The following CBFA2T2 variants were observed in gnomAD, a reference collection of about 807,000 sequenced individuals.
CBFA2T2 encodes protein CBFA2T2.
A neutral mutation model predicts 62.2 loss-of-function variants in CBFA2T2; 11 were observed. The ratio of observed to expected loss-of-function variants is 0.18; its 90% CI spans 0.11 to 0.29. The LOEUF is 0.29. CBFA2T2 is among the 10% of genes least tolerant of loss of function. The probability of loss-of-function intolerance (pLI) is 1.00; values close to 1 mark genes in which losing one functional copy is unlikely to be tolerated. For synonymous variants in CBFA2T2, 295 were observed against 287.5 expected, an observed-to-expected ratio of 1.03 and a Z score of -0.27; for missense variants, 592 against 774.1, an observed-to-expected ratio of 0.76 and a Z score of 2.79.
chr20:33,641,737 C>A (rs544067102), intron 10 of CBFA2T2, among the ~76,000 whole-genome samples: 3 of 152,318 alleles, frequency 2.0e-5, no homozygotes, highest in Non-Finnish European at 4.4e-5. Context: ...TGCACACCAC[C>A]GTGCCTGGCT....
chr20:33,497,801 G>C (rs2011220463), intron 1 of CBFA2T2, among the ~76,000 whole-genome samples: 1 of 152,060 alleles, frequency 6.6e-6, no homozygotes, highest in South Asian at 2.1e-4. Context: ...GCCCGCCTTG[G>C]CCTCCCAAAG....
At chr20:33,491,232 A>G (rs2011144400) in intron 1 of CBFA2T2, among the ~76,000 whole-genome samples, 1 of 152,198 alleles carries the variant, frequency 6.6e-6, no homozygotes. Context: ...TTCACTTAAT[A>G]TTTATTAAAT....
intron 1 of CBFA2T2, among the ~76,000 whole-genome samples, chr20:33,585,817 T>G (rs966916048): frequency 2.0e-5 from 3 of 152,222 alleles, no homozygotes; most frequent in African/African-American, 7.2e-5. Context: ...ACATAATTAT[T>G]TTCTCTCAAA....
intron 1 of CBFA2T2, among the ~76,000 whole-genome samples, chr20:33,597,862 C>T (rs778211508): frequency 3.3e-5 from 5 of 152,108 alleles, no homozygotes; most frequent in African/African-American, 4.8e-5. Flanking sequence ...CCAATATTCA[C>T]GTAGGTTCTT....
At chr20:33,621,594 C>T (rs2015990208) in intron 4 of CBFA2T2, among the ~76,000 whole-genome samples, 1 of 152,056 alleles carries the variant, frequency 6.6e-6, no homozygotes, top group Non-Finnish European at 1.5e-5. Flanking sequence ...AGCCACCGTG[C>T]CCAGCGTCTA....
rs1454952914 is a variant in CBFA2T2, at chr20:33,569,327, TTTG to T, written c.35-37623_35-37621del. Reference sequence around the variant, plus strand: ...GTTAAATGCTTTAATTTTGCATTATTTTGTTGTTTGTTCTCTGTGTTTACACAA... The same window carrying T: ...GTTAAATGCTTTAATTTTGCATTATTTTGTTTGTTCTCTGTGTTTACACAA... On this transcript the variant is annotated intron_variant, in intron 1 of 10. Coordinates refer to ENST00000342704, the MANE Select transcript of CBFA2T2 (RefSeq NM_001032999.3). 2.0e-5 allele frequency among the ~76,000 whole-genome samples: 3 copies of T among 152,354 alleles called. No individual in the cohort carries two copies. In the East Asian group the frequency reaches 5.8e-4, roughly 29 times the overall value.
In CBFA2T2 at chr20:33,623,289, C is replaced by A; in HGVS notation, c.685C>A (p.Pro229Thr). The change falls in exon 5 of 11, where the codon CCA (proline) becomes ACA (threonine). Residue 229 changes from proline to threonine, a missense_variant. Transcript: ENST00000342704. ...GCACGGAAATGGGAAGAGGCCCAGTCCAGAGAGGTGAGCAGATGAGCTTTG... is the reference window on the plus strand; with the variant it reads ...GCACGGAAATGGGAAGAGGCCCAGTACAGAGAGGTGAGCAGATGAGCTTTG... ...EVHGNGKRPS[P>T]ERREENSFDR... The A allele has an allele frequency of 6.2e-7, 1 of 1,614,190 alleles. No individual in the cohort carries two copies. The highest frequency in any genetic ancestry group is 1.1e-5 in the South Asian group (1 of 91,074).
At chr20:33,582,051 C>A (rs951832463) in intron 1 of CBFA2T2, among the ~76,000 whole-genome samples, 1 of 151,872 alleles carries the variant, frequency 6.6e-6, no homozygotes, top group Non-Finnish European at 1.5e-5. Flanking sequence ...CCTTTTTTGT[C>A]CCAGTCTACT....
chr20:33,629,783 G>T lies in CBFA2T2; in HGVS notation c.1097G>T (p.Cys366Phe), dbSNP rs765644628. ...TRRSMAVLRR[C>F]QESDREELNY... ...CGCTCTATGGCAGTTCTGCGGCGCT[G>T]TCAGGAATCAGATCGTGAAGAACTC... The change falls in exon 8 of 11, where the codon TGT (cysteine) becomes TTT (phenylalanine). Residue 366 changes from cysteine to phenylalanine, a missense_variant. By Grantham distance (205) the Cys-to-Phe change is radical. Around this residue, in one of 3 missense-constraint regions of CBFA2T2, gnomAD observed 449 missense variants for 551.2 expected, o/e 0.81. Coordinates refer to ENST00000342704, the MANE Select transcript of CBFA2T2 (RefSeq NM_001032999.3). The T allele has an allele frequency of 6.8e-6, 11 of 1,614,154 alleles. No individual in the cohort carries two copies. In the South Asian group the frequency reaches 1.2e-4, roughly 18 times the overall value.
intron 2 of CBFA2T2, among the ~76,000 whole-genome samples, chr20:33,607,744 A>G (rs2015390299): frequency 6.6e-6 from 1 of 152,178 alleles, no homozygotes; most frequent in African/African-American, 2.4e-5. Context: ...GGGACTACTC[A>G]TAATACCTCT....
intron 8 of CBFA2T2, among the ~76,000 whole-genome samples, chr20:33,633,803 T>TTGCCATGACTTACC (rs150011480): frequency 0.028 from 4,217 of 152,238 alleles, 186 homozygotes; most frequent in African/African-American, 0.096. Flanking sequence ...CTACTATGGC[T>TTGCCATGACTTACC]TGCCATGACT....
At chr20:33,552,914 T>C (rs1460538371) in intron 1 of CBFA2T2, among the ~76,000 whole-genome samples, 2 of 152,194 alleles carry the variant, frequency 1.3e-5, no homozygotes, top group African/African-American at 2.4e-5. Flanking sequence ...CCCATCCCCC[T>C]TTTTAACCTG....
At chr20:33,584,065 A>G (rs1644390656) in intron 1 of CBFA2T2, among the ~76,000 whole-genome samples, 1 of 151,990 alleles carries the variant, frequency 6.6e-6, no homozygotes, top group Non-Finnish European at 1.5e-5. Flanking sequence ...CTCCTTCCTC[A>G]GCCTCCTGAG....
At chr20:33,530,664 C>A (rs1353040008) in intron 1 of CBFA2T2, among the ~76,000 whole-genome samples, 1 of 151,924 alleles carries the variant, frequency 6.6e-6, no homozygotes, top group Non-Finnish European at 1.5e-5. Flanking sequence ...CCGCCCACCT[C>A]CACCTCCCAA....
chr20:33,511,311 T>C (rs571036092), intron 1 of CBFA2T2, among the ~76,000 whole-genome samples: 3 of 152,338 alleles, frequency 2.0e-5, no homozygotes, highest in African/African-American at 7.2e-5. Context: ...TTAATTTTTG[T>C]ATAAGGTGTA....
intron 5 of CBFA2T2, among the ~76,000 whole-genome samples, chr20:33,623,559 ATGTTTGTT>A (rs72452489): frequency 0.015 from 2,165 of 148,874 alleles, 12 homozygotes; most frequent in African/African-American, 0.02. Flanking sequence ...TGACCAGCTA[ATGTTTGTT>A]TGTTTGTTTG....
At chr20:33,607,971 A>G (rs545169574) in intron 2 of CBFA2T2, among the ~76,000 whole-genome samples, 1 of 152,334 alleles carries the variant, frequency 6.6e-6, no homozygotes, top group East Asian at 1.9e-4. Context: ...TACACCCACC[A>G]GGATGTTCAA....
chr20:33,566,161 ATCC>A (rs1407009326), intron 1 of CBFA2T2, among the ~76,000 whole-genome samples: 1 of 152,210 alleles, frequency 6.6e-6, no homozygotes, highest in East Asian at 1.9e-4. Context: ...AGAGTTCAAT[ATCC>A]TCCTGGTTGC....
chr20:33,612,413 G>A (rs535822259), intron 3 of CBFA2T2, among the ~76,000 whole-genome samples: 4 of 152,314 alleles, frequency 2.6e-5, no homozygotes, highest in East Asian at 3.9e-4. Flanking sequence ...CTCTCCGAGT[G>A]TAAATCTAGG....
Sources: allele counts gnomAD v4.1 joint callset (sites outside exome capture counted in the v4.1 genomes callset), GRCh38; gene constraint gnomAD v4.1.1; regional missense constraint gnomAD v4.1.1; transcripts MANE v1.5; gene names NCBI Gene and HGNC (gene_info 2026-07-23, HGNC 2026-07-21).